LHFPL3: variants seen among roughly 807,000 people sequenced by gnomAD.
LHFPL3 encodes the protein LHFPL tetraspan subfamily member 3.
Under a neutral mutation model 19.3 loss-of-function variants are expected in LHFPL3, and 5 were observed. The ratio of observed to expected loss-of-function variants is 0.26; its 90% CI spans 0.14 to 0.54. The LOEUF is 0.54. LHFPL3 is among the 20% of genes least tolerant of loss of function. The probability of loss-of-function intolerance (pLI) is 0.94; values close to 1 mark genes in which losing one functional copy is unlikely to be tolerated. For missense variants in LHFPL3, 249 were observed against 307.4 expected, an observed-to-expected ratio of 0.81 and a Z score of 1.42; for synonymous variants, 133 against 126.2, an observed-to-expected ratio of 1.05 and a Z score of -0.36.
chr7:104,344,813 A>G (rs1225431227), intron 1 of LHFPL3, among the ~76,000 whole-genome samples: 1 of 152,118 alleles, frequency 6.6e-6, no homozygotes, highest in African/African-American at 2.4e-5. Flanking sequence ...CAAATGGTAG[A>G]TCTACTTTAT....
intron 1 of LHFPL3, among the ~76,000 whole-genome samples, chr7:104,440,256 C>T (rs1792197224): frequency 6.6e-6 from 1 of 152,046 alleles, no homozygotes; most frequent in African/African-American, 2.4e-5. Flanking sequence ...AGTTCATGTC[C>T]TTTGTAGGGA....
At chr7:104,365,575 A>T (rs1790470922) in intron 1 of LHFPL3, among the ~76,000 whole-genome samples, 2 of 150,634 alleles carry the variant, frequency 1.3e-5, no homozygotes, top group African/African-American at 2.4e-5. Context: ...AGGTCAGGAG[A>T]TCGAGACCAT....
At chr7:104,357,479 A>T (rs915520583) in intron 1 of LHFPL3, among the ~76,000 whole-genome samples, 12 of 152,298 alleles carry the variant, frequency 7.9e-5, no homozygotes, top group African/African-American at 2.9e-4. Flanking sequence ...ACAACTCCGT[A>T]AGCACTAACT....
rs1801520306 is a variant in LHFPL3 at position 104,329,118 on chromosome 7, C to T, written c.339C>T (p.Gly113=). 6.2e-7 allele frequency: 1 copy of T among 1,613,966 alleles called. No individual in the cohort carries two copies. The highest frequency in any genetic ancestry group is 1.1e-5 in the South Asian group (1 of 91,096). The change falls in exon 1 of 3, where the codon GGC becomes GGT. Residue 113 remains glycine (G), a synonymous_variant. Transcript: ENST00000424859. ...GAFKAASFFI[G]LSMMLIIACI... ...TCAAAGCCGCCTCCTTCTTTATCGG[C>T]CTCTCCATGATGCTCATCATTGCCT...
rs1562977176 is a variant in LHFPL3 at position 104,736,729 on chromosome 7, A to C, written c.500A>C (p.Glu167Ala). 5.6e-6 allele frequency: 9 copies of C among 1,613,662 alleles called. No homozygotes were observed. The highest frequency in any genetic ancestry group is 6.8e-6 in the Non-Finnish European group (8 of 1,179,806). ...TTCCCTGATGGCTGGGACTCAGATG[A>C]AGTAAAACGGATGTGTGGAGAAAAG... ...MIFPDGWDSD[E>A]VKRMCGEKTD... The change falls in exon 2 of 3, where the codon GAA (glutamate) becomes GCA (alanine). Residue 167 changes from glutamate to alanine, a missense_variant. Physicochemically the swap from Glu to Ala is moderately radical, Grantham distance 107 (BLOSUM62 -1). Coordinates refer to ENST00000424859, the MANE Select transcript of LHFPL3 (RefSeq NM_199000.3).
chr7:104,462,542 T>C (rs1322474230), intron 1 of LHFPL3, among the ~76,000 whole-genome samples: 1 of 152,240 alleles, frequency 6.6e-6, no homozygotes, highest in Non-Finnish European at 1.5e-5. Context: ...GTCACATTTA[T>C]TGATTTGCGT....
chr7:104,694,470 G>A (rs1213475090), intron 1 of LHFPL3, among the ~76,000 whole-genome samples: 4 of 152,138 alleles, frequency 2.6e-5, no homozygotes, highest in African/African-American at 4.8e-5. Context: ...CAATTACATC[G>A]AATTAGCATA....
intron 1 of LHFPL3, among the ~76,000 whole-genome samples, chr7:104,407,058 G>C (rs1160028355): frequency 1.3e-5 from 2 of 152,054 alleles, no homozygotes; most frequent in Non-Finnish European, 2.9e-5. Context: ...TGTACAATGG[G>C]GATCACAGTA....
chr7:104,754,937 G>A (rs1794254321), intron 2 of LHFPL3, among the ~76,000 whole-genome samples: 1 of 152,078 alleles, frequency 6.6e-6, no homozygotes, highest in Non-Finnish European at 1.5e-5. Flanking sequence ...CAGGTGCTAG[G>A]GGGCAGAGTG....
intron 2 of LHFPL3, chr7:104,895,175 G>A (rs1409930848): frequency 6.6e-6 from 1 of 152,192 alleles, no homozygotes; most frequent in African/African-American, 2.4e-5. Flanking sequence ...CTCAGAATTA[G>A]CCATGTGTAT....
At chr7:104,464,057 G>C (rs1355801455) in intron 1 of LHFPL3, among the ~76,000 whole-genome samples, 2 of 152,212 alleles carry the variant, frequency 1.3e-5, no homozygotes, top group Non-Finnish European at 2.9e-5. Context: ...ATACAATGGG[G>C]TACAGACATT....
intron 1 of LHFPL3, among the ~76,000 whole-genome samples, chr7:104,570,188 TATTG>T (rs932222806): frequency 3.9e-5 from 6 of 152,200 alleles, no homozygotes; most frequent in Non-Finnish European, 5.9e-5. Flanking sequence ...GCCCAGTCTA[TATTG>T]ATTGATTGAT....
chr7:104,831,229 T>TAAA (rs10644867), intron 2 of LHFPL3, among the ~76,000 whole-genome samples: 150,941 of 151,900 alleles, frequency 0.99, 75,019 homozygotes, highest in Middle Eastern at 1. Flanking sequence ...TTATTCTTAA[T>TAAA]AAAATGTTAT....
intron 1 of LHFPL3, among the ~76,000 whole-genome samples, chr7:104,496,774 T>C (rs940868986): frequency 6.6e-6 from 1 of 152,228 alleles, no homozygotes; most frequent in African/African-American, 2.4e-5. Context: ...CCCCTGAATA[T>C]GTATCTCATC....
chr7:104,408,683 A>C (rs1165479126), intron 1 of LHFPL3, among the ~76,000 whole-genome samples: 1 of 152,144 alleles, frequency 6.6e-6, no homozygotes, highest in African/African-American at 2.4e-5. Context: ...AACAGTAAAA[A>C]GGTTACACTC....
Position 104,862,941 on chromosome 7 carries a change from T to G in LHFPL3, c.683-43246T>G, listed in dbSNP as rs534342306. On this transcript the variant is annotated intron_variant, in intron 2 of 2. Coordinates refer to ENST00000424859, the MANE Select transcript of LHFPL3 (RefSeq NM_199000.3). ...TCTGATACAGTAACACGACAGTATG[T>G]GTAGAAAGATGTTGTATAACTGAGA... is the stretch of plus-strand genomic sequence containing the variant. Among the ~76,000 whole-genome samples, 5 of 152,330 alleles carry G rather than the reference T, an allele frequency of 3.3e-5. No homozygotes were observed. In the East Asian group the frequency reaches 9.6e-4, roughly 29 times the overall value.
chr7:104,490,744 A>G (rs1258238516), intron 1 of LHFPL3, among the ~76,000 whole-genome samples: 1 of 152,190 alleles, frequency 6.6e-6, no homozygotes, highest in Non-Finnish European at 1.5e-5. Context: ...CTTGCCAAAA[A>G]TATTGCTCAA....
rs1018506215 is a variant in LHFPL3, at chr7:104,511,513, C to T, written c.445+182289C>T. ...ACTTGTGTTTACCCCAAAACCTCTACGTAAGTATTCATGGCAGCTTCATTC... is the reference window on the plus strand; with the variant it reads ...ACTTGTGTTTACCCCAAAACCTCTATGTAAGTATTCATGGCAGCTTCATTC... On this transcript the variant is annotated intron_variant, in intron 1 of 2. Coordinates refer to ENST00000424859, the MANE Select transcript of LHFPL3 (RefSeq NM_199000.3). 5.9e-5 allele frequency among the ~76,000 whole-genome samples: 9 copies of T among 152,256 alleles called. No individual in the cohort carries two copies. The South Asian group carries it at 6.2e-4, about 11-fold the overall frequency.
chr7:104,639,500 A>T (rs1180619169), intron 1 of LHFPL3, among the ~76,000 whole-genome samples: 1 of 152,168 alleles, frequency 6.6e-6, no homozygotes, highest in Non-Finnish European at 1.5e-5. Context: ...CTAGTGGTGT[A>T]TACATCTTTA....
Sources: allele counts gnomAD v4.1 joint callset (sites outside exome capture counted in the v4.1 genomes callset), GRCh38; gene constraint gnomAD v4.1.1; transcripts MANE v1.5; gene names NCBI Gene and HGNC (gene_info 2026-07-23, HGNC 2026-07-21).